PRR5L: variants seen among roughly 807,000 people sequenced by gnomAD.
PRR5L encodes the protein proline rich 5 like.
In PRR5L, 21 loss-of-function variants were observed where a neutral mutation model predicts 36.4. The observed-to-expected ratio is 0.58, with a 90% CI of 0.41 to 0.83. PRR5L has a LOEUF of 0.83. Among genes scored for constraint, PRR5L ranks in the 40% least tolerant of loss-of-function variants. The probability of loss-of-function intolerance (pLI) is 0.00; values close to 1 mark genes in which losing one functional copy is unlikely to be tolerated. For synonymous variants in PRR5L, 188 were observed against 197.0 expected (o/e 0.95, Z 0.38); for missense variants, 381 against 473.3 (o/e 0.80, Z 1.81).
At chr11:36,355,752 AG>A (rs1190248566) in intron 1 of PRR5L, among the ~76,000 whole-genome samples, 6 of 151,594 alleles carry the variant, frequency 4.0e-5, no homozygotes, top group African/African-American at 1.5e-4. Flanking sequence ...TAGTAGAAAT[AG>A]GGTTTCACCA....
At chr11:36,330,412 C>G (rs1415079934) in intron 1 of PRR5L, among the ~76,000 whole-genome samples, 1 of 152,156 alleles carries the variant, frequency 6.6e-6, no homozygotes, top group East Asian at 1.9e-4. Context: ...CCTATCTCCT[C>G]TATTAGTTCT....
intron 1 of PRR5L, chr11:36,376,364 GA>G (rs1857260858): frequency 8.6e-7 from 1 of 1,157,308 alleles, no homozygotes; most frequent in Non-Finnish European, 1.1e-6. Flanking sequence ...GGAGGAGGAG[GA>G]GGAGGAGGAG....
intron 1 of PRR5L, among the ~76,000 whole-genome samples, chr11:36,306,179 A>T (rs980177578): frequency 1.3e-5 from 2 of 152,140 alleles, no homozygotes; most frequent in Admixed American, 6.5e-5. Flanking sequence ...TACATGTGCC[A>T]TGTTGCTTTG....
intron 1 of PRR5L, chr11:36,297,445 A>G (rs960595196): frequency 3.3e-5 from 5 of 152,340 alleles, no homozygotes; most frequent in Middle Eastern, 3.4e-3. Flanking sequence ...AGAATTGCTC[A>G]ATGAGTGGTA....
intron 7 of PRR5L, among the ~76,000 whole-genome samples, chr11:36,450,859 T>C (rs543430153): frequency 4.8e-4 from 73 of 152,344 alleles, no homozygotes; most frequent in African/African-American, 1.5e-3. Flanking sequence ...TAATATATGT[T>C]AAATGTCTCT....
At chr11:36,301,458 G>C (rs1400427979) in intron 1 of PRR5L, among the ~76,000 whole-genome samples, 1 of 152,204 alleles carries the variant, frequency 6.6e-6, no homozygotes, top group Non-Finnish European at 1.5e-5. Context: ...TTAAGCTGGA[G>C]AGAGTGGCAG....
Position 36,449,537 on chromosome 11 carries a change from G to T in PRR5L, c.586-1672G>T, listed in dbSNP as rs146018761. Among the ~76,000 whole-genome samples, 341 of 152,326 alleles carry T rather than the reference G, an allele frequency of 2.2e-3. 1 individual carries two copies. Among genetic ancestry groups the T allele is most frequent in the African/African-American group, 7.9e-3 (329 of 41,576 alleles). ...GGCAGAATCGGAGATATTGACCACT[G>T]TGAAGATCTGTTTCCTCCCAGCTGA... On this transcript the variant is annotated intron_variant, in intron 7 of 8. Coordinates refer to ENST00000530639, the MANE Select transcript of PRR5L (RefSeq NM_001160167.2).
chr11:36,385,134 A>G (rs1190063959), intron 1 of PRR5L, among the ~76,000 whole-genome samples: 1 of 152,178 alleles, frequency 6.6e-6, no homozygotes. Context: ...TCTTTCACTC[A>G]CCAGGGTTTT....
intron 1 of PRR5L, among the ~76,000 whole-genome samples, chr11:36,322,455 T>A (rs1856622069): frequency 6.6e-6 from 1 of 152,218 alleles, no homozygotes; most frequent in Admixed American, 6.5e-5. Context: ...CTGTTGTAGA[T>A]ATTGTTTTTA....
intron 1 of PRR5L, among the ~76,000 whole-genome samples, chr11:36,342,963 A>G (rs1856831133): frequency 6.6e-6 from 1 of 152,226 alleles, no homozygotes; most frequent in Non-Finnish European, 1.5e-5. Context: ...ACAGACTTCA[A>G]TAAGTGAATT....
chr11:36,441,668 C>T (rs1858725172), intron 6 of PRR5L, among the ~76,000 whole-genome samples: 2 of 152,188 alleles, frequency 1.3e-5, no homozygotes, highest in South Asian at 4.1e-4. Flanking sequence ...GGGGCTCCAA[C>T]CCCACATATC....
chr11:36,443,260 C>G (rs946988564), intron 6 of PRR5L, among the ~76,000 whole-genome samples: 1 of 152,114 alleles, frequency 6.6e-6, no homozygotes, highest in Admixed American at 6.5e-5. Flanking sequence ...AGGCACCAGG[C>G]TCTTTTAAAC....
intron 1 of PRR5L, among the ~76,000 whole-genome samples, chr11:36,319,716 T>C (rs1197091066): frequency 6.6e-6 from 1 of 151,146 alleles, no homozygotes; most frequent in African/African-American, 2.4e-5. Context: ...TGTATTTGGC[T>C]TGGGTTTCCT....
intron 1 of PRR5L, among the ~76,000 whole-genome samples, chr11:36,372,122 T>C (rs1477987425): frequency 1.3e-5 from 2 of 152,090 alleles, no homozygotes; most frequent in African/African-American, 4.8e-5. Flanking sequence ...AATTGAGTAA[T>C]TTTCATTATT....
At chr11:36,442,517 T>C (rs1302899586) in intron 6 of PRR5L, among the ~76,000 whole-genome samples, 1 of 152,080 alleles carries the variant, frequency 6.6e-6, no homozygotes, top group Non-Finnish European at 1.5e-5. Flanking sequence ...AATTTTTGTA[T>C]TTTTAGTAGA....
intron 1 of PRR5L, among the ~76,000 whole-genome samples, chr11:36,353,243 C>T (rs1441744314): frequency 1.3e-5 from 2 of 152,146 alleles, no homozygotes; most frequent in Non-Finnish European, 2.9e-5. Context: ...AACATCTCCA[C>T]ACATTGCCAA....
intron 8 of PRR5L, among the ~76,000 whole-genome samples, chr11:36,459,337 G>A (rs2133637896): frequency 6.6e-6 from 1 of 152,322 alleles, no homozygotes; most frequent in South Asian, 2.1e-4. Flanking sequence ...TTCTGCCCTA[G>A]CGCAGCCCAT....
chr11:36,442,136 A>G (rs1858734450), intron 6 of PRR5L, among the ~76,000 whole-genome samples: 1 of 152,162 alleles, frequency 6.6e-6, no homozygotes, highest in Non-Finnish European at 1.5e-5. Context: ...CTCTCTAGGA[A>G]GTGATTGTTC....
intron 4 of PRR5L, chr11:36,426,076 G>C (rs1464847857): frequency 6.6e-6 from 1 of 152,300 alleles, no homozygotes; most frequent in Admixed American, 6.5e-5. Context: ...GGAAGGCCCA[G>C]CTGGGTGGAG....
Sources: gnomAD v4.1 joint callset for allele counts (sites outside exome capture counted in the v4.1 genomes callset) on GRCh38, gnomAD v4.1.1 for gene constraint, MANE v1.5 for transcripts, NCBI Gene and HGNC (gene_info 2026-07-23, HGNC 2026-07-21) for gene names.